The following SMYD3 variants were observed in gnomAD, a reference collection of about 807,000 sequenced individuals.
The protein encoded by SMYD3 is SET and MYND domain containing 3.
SMYD3 carries 36 observed loss-of-function variants against 57.7 expected under a neutral mutation model. The ratio of observed to expected loss-of-function variants is 0.62; its 90% CI spans 0.48 to 0.82. The LOEUF (loss-of-function observed/expected upper bound fraction) is 0.82, where lower values mean the gene tolerates loss of function less well. Ranked by LOEUF, SMYD3 falls within the 40% of genes least tolerant of loss-of-function variation. SMYD3 has a pLI of 0.00. For synonymous variants in SMYD3, 211 were observed against 195.0 expected (o/e 1.08, Z -0.68); for missense variants, 515 against 538.8 (o/e 0.96, Z 0.44).
At chr1:245,985,420 T>G (rs1449210804) in intron 5 of SMYD3, among the ~76,000 whole-genome samples, 4 of 152,320 alleles carry the variant, frequency 2.6e-5, no homozygotes, top group Non-Finnish European at 2.9e-5. Flanking sequence ...AATTTCTACC[T>G]TGTTCCTGTT....
At chr1:246,413,356 A>G (rs1457719306) in intron 1 of SMYD3, among the ~76,000 whole-genome samples, 1 of 152,236 alleles carries the variant, frequency 6.6e-6, no homozygotes, top group African/African-American at 2.4e-5. Flanking sequence ...ACTCTCGGAT[A>G]GAATTAAAAT....
At chr1:246,347,451 A>G (rs916357544) in intron 2 of SMYD3, among the ~76,000 whole-genome samples, 7 of 152,356 alleles carry the variant, frequency 4.6e-5, no homozygotes, top group African/African-American at 1.7e-4. Flanking sequence ...ATAGCTAAAG[A>G]TAAGTATATG....
At chr1:246,464,846 T>C (rs138480303) in intron 1 of SMYD3, among the ~76,000 whole-genome samples, 2 of 152,358 alleles carry the variant, frequency 1.3e-5, no homozygotes, top group Non-Finnish European at 2.9e-5. Context: ...AGTACTAGCA[T>C]CTTCCTTTGT....
At chr1:246,389,805 G>C (rs1230079167) in intron 1 of SMYD3, among the ~76,000 whole-genome samples, 1 of 144,624 alleles carries the variant, frequency 6.9e-6, no homozygotes, top group East Asian at 2.1e-4. Flanking sequence ...CGAGGTTGAA[G>C]TCAGTTTCTG....
rs75162659 is a variant in SMYD3, at chr1:246,076,656, A to G, written c.532-146719T>C. Among the ~76,000 whole-genome samples, 627 of 146,734 alleles carry G rather than the reference A, an allele frequency of 4.3e-3. 4 individuals carry two copies. Among genetic ancestry groups the G allele is most frequent in the African/African-American group, 0.016 (595 of 38,030 alleles). Reference sequence around the variant, plus strand: ...TGGCTCATTTATTTTAACTGCTCCCACTAGCATTCTGTCTGGTTTTGTTTT... The same window carrying G: ...TGGCTCATTTATTTTAACTGCTCCCGCTAGCATTCTGTCTGGTTTTGTTTT... On this transcript the variant is annotated intron_variant, in intron 5 of 11. Coordinates refer to ENST00000490107, the MANE Select transcript of SMYD3 (RefSeq NM_001167740.2).
At chr1:246,121,777 T>C (rs377740534) in intron 5 of SMYD3, among the ~76,000 whole-genome samples, 2 of 152,140 alleles carry the variant, frequency 1.3e-5, no homozygotes, top group East Asian at 3.9e-4. Context: ...GAGTAATCAG[T>C]GATGTCATTA....
intron 10 of SMYD3, among the ~76,000 whole-genome samples, chr1:245,852,295 C>A (rs9729885): frequency 0.56 from 83,764 of 150,582 alleles, 26,114 homozygotes; most frequent in Middle Eastern, 0.73. Context: ...AGAAGTAAGA[C>A]TACAAGGCTG....
chr1:246,352,807 G>A (rs1023476098), intron 2 of SMYD3, among the ~76,000 whole-genome samples: 4 of 152,172 alleles, frequency 2.6e-5, no homozygotes, highest in African/African-American at 9.7e-5. Flanking sequence ...GGATGATGTG[G>A]CACTAGAGGA....
chr1:246,469,767 T>C (rs2067933483), intron 1 of SMYD3, among the ~76,000 whole-genome samples: 1 of 152,006 alleles, frequency 6.6e-6, no homozygotes, highest in African/African-American at 2.4e-5. Flanking sequence ...AGATGTTAAC[T>C]CTATGGAGGA....
intron 5 of SMYD3, chr1:245,930,834 A>G (rs141756554): frequency 1.3e-5 from 2 of 152,326 alleles, no homozygotes; most frequent in East Asian, 3.9e-4. Flanking sequence ...TGCCAAGGAG[A>G]GAAACAAGGT....
chr1:245,938,309 A>G (rs6660525), intron 5 of SMYD3, among the ~76,000 whole-genome samples: 2,513 of 152,290 alleles, frequency 0.017, 63 homozygotes, highest in African/African-American at 0.056. Context: ...CTGGCAGCCA[A>G]TGACAGGCTA....
At chr1:246,323,768 C>G (rs903236988) in intron 5 of SMYD3, among the ~76,000 whole-genome samples, 2 of 152,060 alleles carry the variant, frequency 1.3e-5, no homozygotes, top group Admixed American at 6.6e-5. Context: ...CACACTAGAC[C>G]TGCAAATAAA....
chr1:245,799,295 G>A (rs2047740733), intron 10 of SMYD3, among the ~76,000 whole-genome samples: 1 of 152,198 alleles, frequency 6.6e-6, no homozygotes, highest in South Asian at 2.1e-4. Flanking sequence ...TCAGCAGGAA[G>A]GTCTGCCATG....
At chr1:246,171,577 G>GTA (rs2062334388) in intron 5 of SMYD3, among the ~76,000 whole-genome samples, 156 of 152,210 alleles carry the variant, frequency 1.0e-3, no homozygotes, top group Admixed American at 0.01. Flanking sequence ...CTACACACCT[G>GTA]GGCTACATGA....
At chr1:246,310,186 C>CTGTGGG (rs199583406) in intron 5 of SMYD3, among the ~76,000 whole-genome samples, 2,356 of 152,264 alleles carry the variant, frequency 0.015, 33 homozygotes, top group African/African-American at 0.038. Context: ...CTCCAATGAA[C>CTGTGGG]AAGACCTGCT....
intron 5 of SMYD3, among the ~76,000 whole-genome samples, chr1:246,264,813 G>A (rs1290355822): frequency 6.6e-6 from 1 of 152,148 alleles, no homozygotes; most frequent in Non-Finnish European, 1.5e-5. Context: ...GAAAGACAGT[G>A]GGGATAGTGA....
chr1:245,904,935 C>G (rs960153707), intron 8 of SMYD3, among the ~76,000 whole-genome samples: 1 of 151,684 alleles, frequency 6.6e-6, no homozygotes, highest in Non-Finnish European at 1.5e-5. Context: ...CCAGCAGAGT[C>G]GTGAGGCCCC....
chr1:246,074,886 T>C (rs1338892708), intron 5 of SMYD3, among the ~76,000 whole-genome samples: 5 of 151,090 alleles, frequency 3.3e-5, no homozygotes, highest in African/African-American at 1.2e-4. Context: ...AGCACACATC[T>C]GCCAATATAA....
chr1:245,890,666 G>A (rs1445556181), intron 8 of SMYD3, among the ~76,000 whole-genome samples: 1 of 152,138 alleles, frequency 6.6e-6, no homozygotes, highest in Non-Finnish European at 1.5e-5. Context: ...CTGTATGAAG[G>A]GTCCTCGAAA....
Sources: allele counts gnomAD v4.1 joint callset (sites outside exome capture counted in the v4.1 genomes callset), GRCh38; gene constraint gnomAD v4.1.1; transcripts MANE v1.5; gene names NCBI Gene and HGNC (gene_info 2026-07-23, HGNC 2026-07-21).